ATAD2: variants seen among roughly 807,000 people sequenced by gnomAD.
ATAD2 encodes the protein ATPase family AAA domain containing 2.
A neutral mutation model predicts 168.9 loss-of-function variants in ATAD2; 62 were observed. The ratio of observed to expected loss-of-function variants is 0.37; its 90% confidence interval spans 0.30 to 0.45. The LOEUF (loss-of-function observed/expected upper bound fraction) is 0.45. ATAD2 is among the 20% of genes least tolerant of loss of function. The pLI is 1.00. For missense variants in ATAD2, 1,419 were observed against 1,667.8 expected (o/e 0.85, Z 2.60); for synonymous variants, 613 against 571.6 (o/e 1.07, Z -1.03).
chr8:123,413,782 C>T (rs1240078865), intron 1 of ATAD2, among the ~76,000 whole-genome samples: 1 of 152,084 alleles, frequency 6.6e-6, no homozygotes, highest in Non-Finnish European at 1.5e-5. Context: ...ATAAACTCTT[C>T]CTGGGAAAAG....
intron 2 of ATAD2, among the ~76,000 whole-genome samples, chr8:123,373,788 CAAAAA>C (rs11285869): frequency 8.2e-5 from 6 of 72,858 alleles, no homozygotes; most frequent in African/African-American, 2.9e-4. Flanking sequence ...CACCTCGCCT[CAAAAA>C]AAAAAAAAAA....
intron 2 of ATAD2, among the ~76,000 whole-genome samples, chr8:123,376,204 G>A (rs535970703): frequency 2.0e-5 from 3 of 149,542 alleles, no homozygotes; most frequent in African/African-American, 7.4e-5. Context: ...TCAGGAGTTC[G>A]AGACCAGCCT....
chr8:123,343,376 A>G (rs192555466), intron 19 of ATAD2, among the ~76,000 whole-genome samples: 75 of 152,266 alleles, frequency 4.9e-4, no homozygotes, highest in African/African-American at 1.7e-3. Flanking sequence ...CCACAATAAT[A>G]GTTAGTATTA....
intron 24 of ATAD2, among the ~76,000 whole-genome samples, chr8:123,332,745 AT>A: frequency 6.6e-6 from 1 of 152,256 alleles, no homozygotes; most frequent in East Asian, 1.9e-4. Flanking sequence ...TATTATGAAT[AT>A]TGCTTCTTTG....
chr8:123,349,854 T>C (rs1227250300), intron 13 of ATAD2, among the ~76,000 whole-genome samples: 3 of 146,554 alleles, frequency 2.0e-5, no homozygotes, highest in South Asian at 2.2e-4. Context: ...CTGGGCAACA[T>C]AGGGAAACCC....
At chr8:123,352,871 C>G (rs550750851) in intron 13 of ATAD2, among the ~76,000 whole-genome samples, 56 of 148,460 alleles carry the variant, frequency 3.8e-4, no homozygotes, top group Non-Finnish European at 5.4e-4. Flanking sequence ...CAAGACCAAC[C>G]TGGGCAACAG....
intron 1 of ATAD2, among the ~76,000 whole-genome samples, chr8:123,392,963 T>C (rs56674469): frequency 0.025 from 3,836 of 152,178 alleles, 144 homozygotes; most frequent in African/African-American, 0.086. Context: ...GGAGGGCGGA[T>C]CATGAAGTCA....
Position 123,331,813 on chromosome 8 carries a change from A to C in ATAD2, c.3478+2065T>G, listed in dbSNP as rs1262451110. On this transcript the variant is annotated intron_variant, in intron 24 of 27. Coordinates refer to ENST00000287394, the MANE Select transcript of ATAD2 (RefSeq NM_014109.4). ...CAAATCACTTTTTACTGCAATAAGC[A>C]ATTTACTGGACAGGCCAACTGCTCA... Among the ~76,000 whole-genome samples, 4 of 152,196 alleles carry C rather than the reference A, an allele frequency of 2.6e-5. No individual in the cohort carries two copies. In the East Asian group the frequency reaches 5.8e-4, roughly 22 times the overall value.
intron 2 of ATAD2, among the ~76,000 whole-genome samples, chr8:123,379,312 A>C (rs1214161095): frequency 6.6e-6 from 1 of 152,206 alleles, no homozygotes; most frequent in Non-Finnish European, 1.5e-5. Context: ...ATAGAAATTC[A>C]TAAATGACTC....
chr8:123,322,601 G>A (rs1433677979), intron 27 of ATAD2, among the ~76,000 whole-genome samples: 1 of 152,118 alleles, frequency 6.6e-6, no homozygotes, highest in Non-Finnish European at 1.5e-5. Flanking sequence ...CCTTGGAGGT[G>A]GAGGCTGCAG....
rs766304779 is a variant in ATAD2 at position 123,372,629 on chromosome 8, G to A, written c.370+8C>T. 3.2e-6 allele frequency: 5 copies of A among 1,579,390 alleles called. No individual in the cohort carries two copies. In the South Asian group the frequency reaches 4.7e-5, roughly 15 times the overall value. ...TTTAAGATCTGAAATGACTTTAACA[G>A]TACTTACCTTCTCTGTGCTCTTCTT... On this transcript the variant is annotated splice_region_variant and intron_variant, in intron 3 of 27. Coordinates refer to ENST00000287394, the MANE Select transcript of ATAD2 (RefSeq NM_014109.4).
intron 10 of ATAD2, 61 bp downstream of exon 10, chr8:123,359,516 C>T: frequency 6.8e-7 from 1 of 1,465,172 alleles, no homozygotes; most frequent in Non-Finnish European, 9.4e-7. Context: ...CTTTTTTTAA[C>T]TTTAAAACTA....
rs571445501 is a variant in ATAD2, at chr8:123,357,714, G to C, written c.1405C>G (p.Pro469Ala). The C allele has an allele frequency of 5.0e-6, 8 of 1,607,976 alleles. No individual in the cohort carries two copies. Among genetic ancestry groups the C allele is most frequent in the Non-Finnish European group, 5.9e-6 (7 of 1,177,964 alleles). The stretch of plus-strand genomic sequence containing the variant: ...GCAACCAGAGTCTTTCCAGTTCCAG[G>C]TGGCCCATAAAACAAACAACCTCTG... ...PPRGCLFYGP[P>A]GTGKTLVARA... is the part of the protein sequence containing the mutation. The change falls in exon 12 of 28, where the codon CCT becomes GCT. Residue 469 changes from proline (P) to alanine (A), a missense_variant. This residue lies in a region of ATAD2 where 146 missense variants were observed against 188.3 expected (regional missense o/e 0.78). Coordinates refer to ENST00000287394, the MANE Select transcript of ATAD2 (RefSeq NM_014109.4).
At position 123,370,887 on chromosome 8, in the gene ATAD2, A is replaced by G. The variant is rs747487246; in HGVS notation, c.727+16T>C. On this transcript the variant is annotated intron_variant, in intron 6 of 27. Coordinates refer to ENST00000287394, the MANE Select transcript of ATAD2 (RefSeq NM_014109.4). Reference sequence around the variant, plus strand: ...TAAATTCAATCCCAGAAGACAGAACAAGAGAAGAGACTAACCCACACTGCC... The same window carrying G: ...TAAATTCAATCCCAGAAGACAGAACGAGAGAAGAGACTAACCCACACTGCC... The G allele has an allele frequency of 1.2e-4, 185 of 1,558,454 alleles. No individual in the cohort carries two copies. The highest frequency in any genetic ancestry group is 5.1e-4 in the Middle Eastern group (3 of 5,882).
chr8:123,411,715 A>G (rs2130053059), intron 1 of ATAD2, among the ~76,000 whole-genome samples: 1 of 152,286 alleles, frequency 6.6e-6, no homozygotes, highest in African/African-American at 2.4e-5. Flanking sequence ...CTCCCTTTGT[A>G]TGGGAGCTCT....
intron 12 of ATAD2, among the ~76,000 whole-genome samples, chr8:123,357,258 C>T (rs1405122470): frequency 6.6e-6 from 1 of 152,146 alleles, no homozygotes; most frequent in Non-Finnish European, 1.5e-5. Context: ...CTTTAACTCC[C>T]ATACTGAGCC....
intron 1 of ATAD2, among the ~76,000 whole-genome samples, chr8:123,408,995 T>C (rs943897344): frequency 8.6e-5 from 13 of 151,876 alleles, no homozygotes; most frequent in Non-Finnish European, 1.8e-4. Flanking sequence ...GCCTAGCTAA[T>C]TGTTGTATTT....
At chr8:123,350,564 T>TC (rs1828417807) in intron 13 of ATAD2, among the ~76,000 whole-genome samples, 1 of 152,180 alleles carries the variant, frequency 6.6e-6, no homozygotes, top group South Asian at 2.1e-4. Context: ...ACATTTTTTT[T>TC]CCCTCCATGA....
intron 15 of ATAD2, 87 bp downstream of exon 15, chr8:123,348,096 C>T: frequency 1.8e-6 from 2 of 1,125,352 alleles, no homozygotes; most frequent in Non-Finnish European, 2.6e-6. Context: ...GCAAAAACCA[C>T]AATTACTTTT....
Sources: allele counts gnomAD v4.1 joint callset (sites outside exome capture counted in the v4.1 genomes callset), GRCh38; gene constraint gnomAD v4.1.1; regional missense constraint gnomAD v4.1.1; transcripts MANE v1.5; gene names NCBI Gene and HGNC (gene_info 2026-07-23, HGNC 2026-07-21).